The following THSD4 variants were observed in gnomAD, a reference collection of about 807,000 sequenced individuals.
THSD4 encodes the protein thrombospondin type 1 domain containing 4, also known as thrombospondin type-1 domain-containing protein 4.
A neutral mutation model predicts 119.0 loss-of-function variants in THSD4; 69 were observed. That is an observed-to-expected ratio of 0.58 (90% CI 0.48 to 0.71). The LOEUF (loss-of-function observed/expected upper bound fraction) is 0.71, where lower values mean the gene tolerates loss of function less well. Ranked by LOEUF, THSD4 falls within the 30% of genes least tolerant of loss-of-function variation. THSD4 has a pLI of 0.00. For missense variants in THSD4, 1,393 were observed against 1,391.1 expected, an observed-to-expected ratio of 1.00 and a Z score of -0.02; for synonymous variants, 524 against 540.4, an observed-to-expected ratio of 0.97 and a Z score of 0.42.
intron 6 of THSD4, among the ~76,000 whole-genome samples, chr15:71,262,562 A>C (rs2044413343): frequency 6.6e-6 from 1 of 152,106 alleles, no homozygotes; most frequent in Non-Finnish European, 1.5e-5. Context: ...AGGGCATCAG[A>C]TATCAGTTTT....
chr15:71,535,402 C>T (rs914329777), intron 7 of THSD4, among the ~76,000 whole-genome samples: 1 of 152,176 alleles, frequency 6.6e-6, no homozygotes, highest in African/African-American at 2.4e-5. Flanking sequence ...ATTTGAGTTA[C>T]GTCCATTTCG....
intron 7 of THSD4, among the ~76,000 whole-genome samples, chr15:71,620,275 C>T (rs985478994): frequency 6.6e-6 from 1 of 152,088 alleles, no homozygotes; most frequent in Non-Finnish European, 1.5e-5. Context: ...AATATGGTGT[C>T]TAACATATTA....
At chr15:71,353,429 C>A (rs1351467689) in intron 6 of THSD4, among the ~76,000 whole-genome samples, 1 of 152,192 alleles carries the variant, frequency 6.6e-6, no homozygotes, top group African/African-American at 2.4e-5. Flanking sequence ...TTTACTAGAG[C>A]AAGTCAGAGC....
chr15:71,144,914 A>G (rs549869192), intron 2 of THSD4, among the ~76,000 whole-genome samples: 1 of 152,310 alleles, frequency 6.6e-6, no homozygotes, highest in South Asian at 2.1e-4. Context: ...ATCCTTAATG[A>G]GGAATGTTTG....
At chr15:71,105,748 C>A (rs2040272020) in intron 1 of THSD4, among the ~76,000 whole-genome samples, 1 of 152,234 alleles carries the variant, frequency 6.6e-6, no homozygotes, top group African/African-American at 2.4e-5. Flanking sequence ...CAATTAGAGG[C>A]ATTCCACCCA....
intron 7 of THSD4, among the ~76,000 whole-genome samples, chr15:71,541,338 C>T (rs1475984950): frequency 6.6e-6 from 1 of 152,196 alleles, no homozygotes; most frequent in East Asian, 1.9e-4. Flanking sequence ...GGAATAGCCG[C>T]ATTTCCAGTG....
At chr15:71,421,467 T>G (rs1364243020) in intron 7 of THSD4, among the ~76,000 whole-genome samples, 1 of 152,194 alleles carries the variant, frequency 6.6e-6, no homozygotes, top group Non-Finnish European at 1.5e-5. Context: ...TGTCATTCCT[T>G]TAGCACTTTA....
intron 8 of THSD4, among the ~76,000 whole-genome samples, chr15:71,719,618 C>A (rs2052674838): frequency 6.6e-6 from 1 of 152,152 alleles, no homozygotes; most frequent in African/African-American, 2.4e-5. Flanking sequence ...GTGTTTTAAA[C>A]TCATAAAATA....
intron 7 of THSD4, among the ~76,000 whole-genome samples, chr15:71,634,439 G>A (rs4777423): frequency 0.27 from 41,053 of 152,078 alleles, 6,267 homozygotes; most frequent in East Asian, 0.62. Context: ...ATACATGAAA[G>A]TCCCAGTCTT....
intron 6 of THSD4, among the ~76,000 whole-genome samples, chr15:71,302,473 G>T (rs889820300): frequency 1.3e-5 from 2 of 152,066 alleles, no homozygotes; most frequent in African/African-American, 2.4e-5. Context: ...GCTCAGAGCC[G>T]GCCCCATTTC....
At chr15:71,466,018 C>G (rs544629638) in intron 7 of THSD4, among the ~76,000 whole-genome samples, 1 of 152,200 alleles carries the variant, frequency 6.6e-6, no homozygotes, top group Non-Finnish European at 1.5e-5. Context: ...CCTTATCCTC[C>G]TTTTCTCCCC....
chr15:71,182,096 TCCTTCTCTA>T (rs1251465597), intron 3 of THSD4, among the ~76,000 whole-genome samples: 47 of 147,402 alleles, frequency 3.2e-4, no homozygotes, highest in South Asian at 6.8e-4. Context: ...TTTTGAGTGT[TCCTTCTCTA>T]TGACACCCTC....
intron 8 of THSD4, among the ~76,000 whole-genome samples, chr15:71,720,207 C>A (rs1276603254): frequency 6.6e-6 from 1 of 151,670 alleles, no homozygotes; most frequent in Non-Finnish European, 1.5e-5. Context: ...TATACCACCA[C>A]TCCTGGCTAA....
intron 7 of THSD4, among the ~76,000 whole-genome samples, chr15:71,575,053 A>G (rs1176051375): frequency 6.6e-6 from 1 of 152,098 alleles, no homozygotes; most frequent in Non-Finnish European, 1.5e-5. Flanking sequence ...GCATCTCACT[A>G]TCGTATTTAC....
intron 7 of THSD4, chr15:71,547,082 A>G (rs1720189103): frequency 5.8e-6 from 3 of 521,214 alleles, no homozygotes; most frequent in African/African-American, 2.0e-5. Flanking sequence ...CTTTTCATGA[A>G]TGAGACCAGA....
intron 6 of THSD4, among the ~76,000 whole-genome samples, chr15:71,406,441 T>A (rs1410793088): frequency 5.9e-5 from 9 of 152,116 alleles, no homozygotes; most frequent in African/African-American, 2.2e-4. Flanking sequence ...GTCTAATTGG[T>A]TTATAGTGTT....
chr15:71,588,137 T>C (rs1055185157), intron 7 of THSD4, among the ~76,000 whole-genome samples: 197 of 151,862 alleles, frequency 1.3e-3, no homozygotes, highest in African/African-American at 4.7e-3. Context: ...AAACCCCGTC[T>C]CTACTAAAAA....
chr15:71,150,930 A>T (rs569086525), intron 2 of THSD4, among the ~76,000 whole-genome samples: 1 of 152,356 alleles, frequency 6.6e-6, no homozygotes, highest in East Asian at 1.9e-4. Context: ...TATAGCAGCC[A>T]CTGTGCTAGG....
chr15:71,412,624 A>G (rs1430161213), intron 7 of THSD4, among the ~76,000 whole-genome samples: 3 of 152,190 alleles, frequency 2.0e-5, no homozygotes, highest in Non-Finnish European at 4.4e-5. Context: ...TTTTAATCAC[A>G]GGAAGAGCTC....
Sources: gnomAD v4.1 joint callset for allele counts (sites outside exome capture counted in the v4.1 genomes callset) on GRCh38, gnomAD v4.1.1 for gene constraint, MANE v1.5 for transcripts, NCBI Gene and HGNC (gene_info 2026-07-23, HGNC 2026-07-21) for gene names.